Variants in IQCM observed in about 807,000 individuals in gnomAD.
The protein encoded by IQCM is IQ motif containing M.
In IQCM, 45 loss-of-function variants were observed where a neutral mutation model predicts 57.6. The observed-to-expected ratio is 0.78, with a 90% confidence interval of 0.62 to 1.00. IQCM has a LOEUF of 1.00. IQCM is among the 50% of genes least tolerant of loss of function. The pLI, the probability that IQCM is intolerant of heterozygous loss-of-function variation, is 0.00. For missense variants in IQCM, 468 were observed against 511.6 expected (o/e 0.91, Z 0.82); for synonymous variants, 148 against 158.9 (o/e 0.93, Z 0.51).
At chr4:149,806,557 A>G (rs1392568139) in intron 2 of IQCM, among the ~76,000 whole-genome samples, 2 of 151,990 alleles carry the variant, frequency 1.3e-5, no homozygotes, top group Non-Finnish European at 2.9e-5. Flanking sequence ...TTTAGCCCCT[A>G]CATATGAGTA....
At chr4:149,776,871 T>C (rs536241879) in intron 2 of IQCM, among the ~76,000 whole-genome samples, 2 of 152,136 alleles carry the variant, frequency 1.3e-5, no homozygotes, top group East Asian at 3.9e-4. Flanking sequence ...AAAAAATCAC[T>C]AAAAATTTTT....
Position 149,780,556 on chromosome 4 carries a change from T to G in IQCM, c.-49+34755A>C, listed in dbSNP as rs139791616. On this transcript the variant is annotated intron_variant, in intron 2 of 13. Coordinates refer to ENST00000636793, the MANE Select transcript of IQCM (RefSeq NM_001363507.2). ...TTATATATATATATATAAAACATATTTTTTTCCACAGAAGAAAACCCTTAA... is the reference window on the plus strand; with the variant it reads ...TTATATATATATATATAAAACATATGTTTTTCCACAGAAGAAAACCCTTAA... Among the ~76,000 whole-genome samples the G allele has an allele frequency of 4.7e-3, 672 of 142,310 alleles. 6 individuals carry two copies. Among genetic ancestry groups the G allele is most frequent in the African/African-American group, 0.016 (640 of 40,380 alleles). The allele number at this position is 142,310 out of a possible 152,430, so 93.4% of individuals were successfully genotyped here. A position where few individuals can be genotyped will look rare whatever the true frequency, so the allele number is the denominator to read the frequency against.
At chr4:149,681,659 G>A (rs762116897) in intron 7 of IQCM, among the ~76,000 whole-genome samples, 2 of 151,106 alleles carry the variant, frequency 1.3e-5, no homozygotes, top group Admixed American at 1.3e-4. Flanking sequence ...TGAAGCTCAT[G>A]AGGAACAAGT....
chr4:149,701,746 TAG>T (rs1763791015), intron 5 of IQCM, among the ~76,000 whole-genome samples: 1 of 151,984 alleles, frequency 6.6e-6, no homozygotes, highest in South Asian at 2.1e-4. Flanking sequence ...AGAAAATGGT[TAG>T]AGTCAGATGG....
At chr4:149,511,527 CTAAATAAATAAATAAATAAA>C (rs3056265) in intron 12 of IQCM, among the ~76,000 whole-genome samples, 21 of 141,880 alleles carry the variant, frequency 1.5e-4, no homozygotes, top group East Asian at 8.3e-4. Context: ...GACCCTGTCT[CTAAATAAATAAATAAATAAA>C]TAAATAAATA....
chr4:149,368,784 G>GTATATATATACATATA (rs1392507263), intron 13 of IQCM, among the ~76,000 whole-genome samples: 1 of 90,936 alleles, frequency 1.1e-5, no homozygotes, highest in Non-Finnish European at 2.4e-5. Context: ...ATATATACAT[G>GTATATATATACATATA]TATATATATA....
At chr4:149,416,455 G>C (rs1015833675) in intron 13 of IQCM, among the ~76,000 whole-genome samples, 5 of 151,954 alleles carry the variant, frequency 3.3e-5, no homozygotes, top group Non-Finnish European at 7.4e-5. Context: ...TCTTTCATAA[G>C]GCAGTGTTTC....
chr4:149,428,189 A>G (rs1734586419), intron 13 of IQCM, among the ~76,000 whole-genome samples: 1 of 151,912 alleles, frequency 6.6e-6, no homozygotes, highest in African/African-American at 2.4e-5. Context: ...AAGGCAAAAT[A>G]AATTACATAC....
chr4:149,561,830 C>T (rs1262314253), intron 10 of IQCM, among the ~76,000 whole-genome samples: 1 of 152,054 alleles, frequency 6.6e-6, no homozygotes, highest in Non-Finnish European at 1.5e-5. Flanking sequence ...AAACAGATGA[C>T]AACAATCTAA....
intron 7 of IQCM, among the ~76,000 whole-genome samples, chr4:149,648,841 T>C (rs1361317151): frequency 4.0e-5 from 6 of 151,748 alleles, no homozygotes; most frequent in African/African-American, 1.2e-4. Context: ...GGCACACATA[T>C]ACATATGTAA....
chr4:149,597,188 C>T (rs1305065592), intron 8 of IQCM, among the ~76,000 whole-genome samples: 1 of 151,030 alleles, frequency 6.6e-6, no homozygotes, highest in African/African-American at 2.4e-5. Context: ...CAGTGAATAA[C>T]AAAAGAAAAT....
chr4:149,715,528 T>A (rs560793251), intron 5 of IQCM, among the ~76,000 whole-genome samples: 262 of 152,308 alleles, frequency 1.7e-3, no homozygotes, highest in African/African-American at 5.2e-3. Flanking sequence ...GAAGGACCGC[T>A]GCTCTTCTCT....
At chr4:149,783,250 G>A (rs1237021813) in intron 2 of IQCM, among the ~76,000 whole-genome samples, 4 of 152,156 alleles carry the variant, frequency 2.6e-5, no homozygotes, top group African/African-American at 7.2e-5. Flanking sequence ...CTCAGTAAAT[G>A]TCAATTCATT....
chr4:149,507,249 G>T (rs760578252), intron 12 of IQCM, among the ~76,000 whole-genome samples: 14 of 152,164 alleles, frequency 9.2e-5, no homozygotes, highest in Non-Finnish European at 1.9e-4. Context: ...CAGTAAATTG[G>T]AACAGCAGAG....
intron 13 of IQCM, among the ~76,000 whole-genome samples, chr4:149,352,767 C>G (rs907008715): frequency 6.6e-6 from 1 of 152,032 alleles, no homozygotes; most frequent in Non-Finnish European, 1.5e-5. Flanking sequence ...TAACATAAAC[C>G]ACTATTCATA....
At chr4:149,382,459 C>A (rs552254279) in intron 13 of IQCM, among the ~76,000 whole-genome samples, 1 of 152,168 alleles carries the variant, frequency 6.6e-6, no homozygotes, top group African/African-American at 2.4e-5. Flanking sequence ...TCCATGGATG[C>A]TTGGTAAACT....
At chr4:149,601,566 C>A (rs1268198594) in intron 8 of IQCM, among the ~76,000 whole-genome samples, 1 of 152,136 alleles carries the variant, frequency 6.6e-6, no homozygotes, top group Admixed American at 6.6e-5. Flanking sequence ...TCCACACCAC[C>A]TCCACAACAA....
chr4:149,679,565 C>T (rs1762022917), intron 7 of IQCM, among the ~76,000 whole-genome samples: 1 of 151,294 alleles, frequency 6.6e-6, no homozygotes. Flanking sequence ...TGGTGATGGA[C>T]ATCCCAAGAA....
At chr4:149,506,579 G>A (rs928650358) in intron 12 of IQCM, among the ~76,000 whole-genome samples, 2 of 152,098 alleles carry the variant, frequency 1.3e-5, no homozygotes, top group Non-Finnish European at 2.9e-5. Context: ...TTGGAAAGAA[G>A]TTAAGAGAAA....
Sources: allele counts gnomAD v4.1 joint callset (sites outside exome capture counted in the v4.1 genomes callset), GRCh38; gene constraint gnomAD v4.1.1; transcripts MANE v1.5; gene names NCBI Gene and HGNC (gene_info 2026-07-23, HGNC 2026-07-21).